TRHDE: variants seen among roughly 807,000 people sequenced by gnomAD.
The protein encoded by TRHDE is thyrotropin releasing hormone degrading enzyme, also known as thyrotropin-releasing hormone-degrading ectoenzyme.
Under a neutral mutation model 125.7 loss-of-function variants are expected in TRHDE, and 72 were observed. The observed-to-expected ratio is 0.57, with a 90% CI of 0.47 to 0.70. TRHDE has a LOEUF of 0.70. Among genes scored for constraint, TRHDE ranks in the 30% least tolerant of loss-of-function variants. The pLI is 0.00. For missense variants in TRHDE, 1,110 were observed against 1,327.1 expected (o/e 0.84, Z 2.54); for synonymous variants, 509 against 509.1 (o/e 1.00, Z 0.00).
intron 2 of TRHDE, among the ~76,000 whole-genome samples, chr12:72,365,102 G>A (rs1290217580): frequency 6.6e-6 from 1 of 152,072 alleles, no homozygotes; most frequent in Non-Finnish European, 1.5e-5. Context: ...ACTGCTTATT[G>A]TGCAGGAGAA....
At chr12:72,151,678 T>C (rs1876369579) in intron 2 of TRHDE, among the ~76,000 whole-genome samples, 3 of 152,270 alleles carry the variant, frequency 2.0e-5, no homozygotes, top group African/African-American at 7.2e-5. Flanking sequence ...CTTGTTTTTC[T>C]CAGGTTTGTC....
At chr12:72,331,005 C>G (rs1430807457) in intron 2 of TRHDE, among the ~76,000 whole-genome samples, 1 of 152,142 alleles carries the variant, frequency 6.6e-6, no homozygotes, top group Non-Finnish European at 1.5e-5. Flanking sequence ...CTCCGAGAAC[C>G]ACATTTTGAA....
At chr12:72,298,517 C>CT (rs1234202998) in intron 2 of TRHDE, among the ~76,000 whole-genome samples, 1 of 152,064 alleles carries the variant, frequency 6.6e-6, no homozygotes, top group Non-Finnish European at 1.5e-5. Context: ...TTCTTTAGGA[C>CT]TTTTACTTTA....
At chr12:72,483,447 T>C (rs74728596) in intron 5 of TRHDE, among the ~76,000 whole-genome samples, 1,733 of 152,126 alleles carry the variant, frequency 0.011, 20 homozygotes, top group South Asian at 0.028. Flanking sequence ...AAGAAACTTA[T>C]ATTCTTACTA....
At chr12:72,188,737 A>T (rs979615976) in intron 2 of TRHDE, among the ~76,000 whole-genome samples, 13 of 151,870 alleles carry the variant, frequency 8.6e-5, no homozygotes, top group Admixed American at 2.0e-4. Context: ...GAAAGACTTT[A>T]AAAAAAATCA....
At chr12:72,588,073 G>A (rs990771633) in intron 12 of TRHDE, among the ~76,000 whole-genome samples, 8 of 151,952 alleles carry the variant, frequency 5.3e-5, no homozygotes, top group East Asian at 1.9e-4. Context: ...CATCTTTCAC[G>A]GACAAAATAA....
At chr12:72,511,133 G>A in intron 6 of TRHDE, among the ~76,000 whole-genome samples, 1 of 152,116 alleles carries the variant, frequency 6.6e-6, no homozygotes. Context: ...TTCATTCTTT[G>A]ATATTCTTTA....
chr12:72,601,608 G>A (rs1203626344), intron 12 of TRHDE, among the ~76,000 whole-genome samples: 1 of 152,050 alleles, frequency 6.6e-6, no homozygotes, highest in Non-Finnish European at 1.5e-5. Context: ...CGTGATTGTT[G>A]CCTTATTTTA....
At chr12:72,147,625 A>T (rs1270191476) in intron 2 of TRHDE, 1 of 152,200 alleles carries the variant, frequency 6.6e-6, no homozygotes, top group Non-Finnish European at 1.5e-5. Flanking sequence ...TCAGTCTCAA[A>T]CTCGAAAAGC....
intron 2 of TRHDE, among the ~76,000 whole-genome samples, chr12:72,373,583 C>A (rs1343315321): frequency 1.3e-5 from 2 of 152,030 alleles, no homozygotes; most frequent in Non-Finnish European, 2.9e-5. Flanking sequence ...TTATATTTTG[C>A]TAAATGGTGG....
chr12:72,554,230 G>C (rs537473175), intron 7 of TRHDE, among the ~76,000 whole-genome samples: 3 of 152,106 alleles, frequency 2.0e-5, no homozygotes, highest in African/African-American at 4.8e-5. Context: ...TTTGACACCA[G>C]CCCTTTTTTT....
chr12:72,348,664 T>A lies in TRHDE; in HGVS notation c.1189-29331T>A, dbSNP rs1945625529. Reference sequence around the variant, plus strand: ...AGACAAAAGCTTGGAATGCTTCATATCAAATCTGTGGTAGTTAATATACTA... The same window carrying A: ...AGACAAAAGCTTGGAATGCTTCATAACAAATCTGTGGTAGTTAATATACTA... On this transcript the variant is annotated intron_variant, in intron 2 of 18. Coordinates refer to ENST00000261180, the MANE Select transcript of TRHDE (RefSeq NM_013381.3). Among the ~76,000 whole-genome samples, 5 of 152,026 alleles carry A rather than the reference T, an allele frequency of 3.3e-5. No individual in the cohort carries two copies. The South Asian group carries it at 1.0e-3, about 32-fold the overall frequency.
Position 72,566,386 on chromosome 12 carries a change from G to A in TRHDE, c.2043-2182G>A, listed in dbSNP as rs551223739. The stretch of plus-strand genomic sequence containing the variant: ...CCAAACCTTATAGTTATAACTATAA[G>A]GTTTATAGTTTAACTTAGTTAACCT... On this transcript the variant is annotated intron_variant, in intron 9 of 18. Transcript: ENST00000261180. Among the ~76,000 whole-genome samples the A allele has an allele frequency of 4.0e-4, 60 of 151,554 alleles. No homozygotes were observed. The Middle Eastern group carries it at 0.017, about 43-fold the overall frequency.
intron 2 of TRHDE, among the ~76,000 whole-genome samples, chr12:72,158,106 A>G (rs746727478): frequency 6.6e-6 from 1 of 152,132 alleles, no homozygotes; most frequent in Non-Finnish European, 1.5e-5. Flanking sequence ...TCATGCAAAA[A>G]TGTTTTGGTA....
chr12:72,314,272 CTTTCTCTTT>C (rs1868688837), intron 2 of TRHDE, among the ~76,000 whole-genome samples: 1 of 140,464 alleles, frequency 7.1e-6, no homozygotes, highest in Non-Finnish European at 1.6e-5. Context: ...TTTCCTCTCT[CTTTCTCTTT>C]TCTTTTCTTT....
At chr12:72,498,163 T>C (rs1417937208) in intron 5 of TRHDE, among the ~76,000 whole-genome samples, 1 of 152,098 alleles carries the variant, frequency 6.6e-6, no homozygotes, top group African/African-American at 2.4e-5. Flanking sequence ...ACATAATCTA[T>C]TAGAAAACAA....
intron 6 of TRHDE, among the ~76,000 whole-genome samples, chr12:72,518,083 A>G (rs1878973225): frequency 6.7e-6 from 1 of 149,338 alleles, no homozygotes; most frequent in Admixed American, 6.7e-5. Context: ...TCAATTTTAG[A>G]ATAGGTGTGG....
At chr12:72,449,087 T>C (rs1324033239) in intron 3 of TRHDE, among the ~76,000 whole-genome samples, 1 of 152,044 alleles carries the variant, frequency 6.6e-6, no homozygotes, top group East Asian at 1.9e-4. Flanking sequence ...AGCTTCCTCT[T>C]TTCCTCTAAG....
chr12:72,379,049 A>T (rs1223106500), intron 3 of TRHDE, among the ~76,000 whole-genome samples: 1 of 152,088 alleles, frequency 6.6e-6, no homozygotes, highest in Non-Finnish European at 1.5e-5. Flanking sequence ...TTTTGATCAG[A>T]TTCCACGTTA....
Sources: gnomAD v4.1 joint callset for allele counts (sites outside exome capture counted in the v4.1 genomes callset) on GRCh38, gnomAD v4.1.1 for gene constraint, MANE v1.5 for transcripts, NCBI Gene and HGNC (gene_info 2026-07-23, HGNC 2026-07-21) for gene names.